Variants in CHODL observed in about 807,000 individuals in gnomAD.
CHODL encodes chondrolectin.
In CHODL, 29 loss-of-function variants were observed where a neutral mutation model predicts 34.5. That is an observed-to-expected ratio of 0.84 (90% CI 0.63 to 1.15). The LOEUF (loss-of-function observed/expected upper bound fraction) is 1.15. Among genes scored for constraint, CHODL ranks in the 50% most tolerant of loss-of-function variants. CHODL has a pLI of 0.00. For missense variants in CHODL, 332 were observed against 332.5 expected, an observed-to-expected ratio of 1.00 and a Z score of 0.01; for synonymous variants, 125 against 116.1, an observed-to-expected ratio of 1.08 and a Z score of -0.49.
intron 1 of CHODL, among the ~76,000 whole-genome samples, chr21:17,922,835 C>T (rs536380461): frequency 3.3e-5 from 5 of 152,182 alleles, no homozygotes; most frequent in South Asian, 4.1e-4. Context: ...GACATGCAGC[C>T]GTGACAGCCT....
intron 1 of CHODL, among the ~76,000 whole-genome samples, chr21:17,957,263 T>C (rs923658302): frequency 3.3e-5 from 5 of 152,164 alleles, no homozygotes; most frequent in Non-Finnish European, 7.3e-5. Context: ...GTGTCTCATA[T>C]CTAGTTTCAT....
chr21:17,999,187 CAT>C (rs2063881280), intron 1 of CHODL, among the ~76,000 whole-genome samples: 1 of 152,220 alleles, frequency 6.6e-6, no homozygotes, highest in Non-Finnish European at 1.5e-5. Flanking sequence ...TTTGCTAAAA[CAT>C]AACAAGAATC....
chr21:18,241,316 T>C (rs1056614491), upstream of CHODL, among the ~76,000 whole-genome samples: 2 of 152,190 alleles, frequency 1.3e-5, no homozygotes, highest in African/African-American at 4.8e-5. Context: ...TTTTAAACTT[T>C]CAAATATTTA....
At chr21:17,937,093 A>AG in intron 1 of CHODL, among the ~76,000 whole-genome samples, 1 of 151,760 alleles carries the variant, frequency 6.6e-6, no homozygotes, top group East Asian at 1.9e-4. Flanking sequence ...AAAAAAAAAA[A>AG]AAAAAAATTA....
intron 2 of CHODL, among the ~76,000 whole-genome samples, chr21:18,035,665 A>G (rs985902808): frequency 1.4e-4 from 21 of 151,976 alleles, no homozygotes; most frequent in Admixed American, 2.6e-4. Flanking sequence ...TACGTTGCAG[A>G]TAGTCTCTAG....
intron 2 of CHODL, among the ~76,000 whole-genome samples, chr21:18,048,047 C>T (rs549465262): frequency 1.8e-4 from 27 of 152,024 alleles, no homozygotes; most frequent in African/African-American, 6.0e-4. Context: ...CGAGCACCTA[C>T]TATGTCCTGT....
intron 2 of CHODL, among the ~76,000 whole-genome samples, chr21:18,199,117 AGATTT>A (rs1172908471): frequency 1.3e-5 from 2 of 152,130 alleles, no homozygotes; most frequent in African/African-American, 4.8e-5. Context: ...CTCAAATAAC[AGATTT>A]GATTTATTTG....
intron 2 of CHODL, among the ~76,000 whole-genome samples, chr21:18,220,860 T>G (rs2146738450): frequency 6.6e-6 from 1 of 152,292 alleles, no homozygotes; most frequent in Admixed American, 6.5e-5. Flanking sequence ...GACTATAATG[T>G]GCCTTGGAGA....
At chr21:18,153,029 G>A (rs1359924552) in intron 2 of CHODL, among the ~76,000 whole-genome samples, 1 of 152,124 alleles carries the variant, frequency 6.6e-6, no homozygotes, top group Admixed American at 6.5e-5. Flanking sequence ...GACATAACTG[G>A]TTAATTATCA....
chr21:17,930,764 C>T (rs2063265988), intron 1 of CHODL, among the ~76,000 whole-genome samples: 1 of 152,274 alleles, frequency 6.6e-6, no homozygotes, highest in Middle Eastern at 3.4e-3. Context: ...CACCTGACAC[C>T]ACCACAGAGG....
In CHODL at chr21:18,266,110, T is replaced by C. The variant is rs752739149; in HGVS notation, c.*72T>C. On this transcript the variant is annotated 3_prime_UTR_variant, in exon 6 of 6. Coordinates refer to ENST00000299295, the MANE Select transcript of CHODL (RefSeq NM_024944.3). ...AAGGAATGGCATCAGAACAATAGCT[T>C]GGAATGGCTTGAAATCACAAAGGAT... The C allele has an allele frequency of 1.2e-6, 2 of 1,611,634 alleles. No homozygotes were observed. The highest frequency in any genetic ancestry group is 4.5e-5 in the East Asian group (2 of 44,796).
rs188978146 is a variant in CHODL, at chr21:18,236,045, G to A, written c.-44-20464G>A. Among the ~76,000 whole-genome samples, 43 of 152,168 alleles carry A rather than the reference G, an allele frequency of 2.8e-4. No individual in the cohort carries two copies. In the East Asian group the frequency reaches 3.3e-3, roughly 12 times the overall value. ...GAGTTTTGTATTAGTACATTATCAC[G>A]CTGCTGTAAAGAACTGCCCAGGACT... is the stretch of plus-strand genomic sequence containing the variant. On this transcript the variant is annotated intron_variant, in intron 2 of 6. Transcript: ENST00000400127.
intron 2 of CHODL, among the ~76,000 whole-genome samples, chr21:18,111,545 C>T (rs2065351064): frequency 6.6e-6 from 1 of 152,130 alleles, no homozygotes. Flanking sequence ...GTTTTCTTAA[C>T]CTTTACACAA....
chr21:17,929,034 C>A (rs1207435725), intron 1 of CHODL, among the ~76,000 whole-genome samples: 1 of 152,154 alleles, frequency 6.6e-6, no homozygotes, highest in African/African-American at 2.4e-5. Flanking sequence ...GGAGCTGTTT[C>A]TAATGTCAAC....
chr21:18,124,327 T>A (rs1202098876), intron 2 of CHODL, among the ~76,000 whole-genome samples: 2 of 152,238 alleles, frequency 1.3e-5, no homozygotes, highest in East Asian at 3.9e-4. Flanking sequence ...GACCCTCCCC[T>A]GCCACTCCCA....
intron 1 of CHODL, among the ~76,000 whole-genome samples, chr21:18,026,446 CTTGGAT>C (rs754414637): frequency 1 from 152,295 of 152,300 alleles, 76,145 homozygotes; most frequent in Middle Eastern, 1. Flanking sequence ...GTTCGACAAG[CTTGGAT>C]CACTTTAAGG....
At position 18,134,289 on chromosome 21, in the gene CHODL, C is replaced by T. The variant is rs200614950; in HGVS notation, c.-45+106318C>T. The T allele has an allele frequency of 9.4e-4, 483 of 513,548 alleles. 1 individual carries two copies. Among genetic ancestry groups the T allele is most frequent in the Non-Finnish European group, 1.4e-3 (358 of 257,000 alleles). 31.8% of individuals were successfully genotyped at this position (513,548 alleles called of 1,614,324 possible). On this transcript the variant is annotated intron_variant, in intron 2 of 6. Transcript: ENST00000400127. ...TTTTATACTTGGATGATCTCTTTTG[C>T]CACTGTTAACTTGTGGATCTCTCTG...
At chr21:18,174,117 C>A (rs2073265188) in intron 2 of CHODL, among the ~76,000 whole-genome samples, 1 of 33,646 alleles carries the variant, frequency 3.0e-5, no homozygotes, top group African/African-American at 1.1e-4. Flanking sequence ...ATATATATAT[C>A]TTGGTGTATA....
rs77711924 is a variant in CHODL at position 18,067,739 on chromosome 21, T to C, written c.-45+39768T>C. Among the ~76,000 whole-genome samples the C allele has an allele frequency of 8.1e-3, 1,232 of 152,330 alleles. 21 individuals are homozygous for C. The highest frequency in any genetic ancestry group is 0.028 in the African/African-American group (1,170 of 41,578). On this transcript the variant is annotated intron_variant, in intron 2 of 6. Transcript: ENST00000400127. ...GAAATAAGGATGCCTGAATCCTAAC[T>C]GGCAATCATAGAGTGTTTATAAGGT...
Sources: gnomAD v4.1 joint callset for allele counts (sites outside exome capture counted in the v4.1 genomes callset) on GRCh38, gnomAD v4.1.1 for gene constraint, MANE v1.5 for transcripts, NCBI Gene and HGNC (gene_info 2026-07-23, HGNC 2026-07-21) for gene names.